Variants in IRAG1 observed in about 807,000 individuals in gnomAD.
IRAG1 encodes the protein IP3R-associated cGMP kinase substrate.
In IRAG1, 62 loss-of-function variants were observed where a neutral mutation model predicts 106.2. The observed-to-expected ratio is 0.58, with a 90% CI of 0.48 to 0.72. IRAG1 has a LOEUF of 0.72. IRAG1 is among the 30% of genes least tolerant of loss of function. IRAG1 has a pLI of 0.00. For synonymous variants in IRAG1, 462 were observed against 443.9 expected (o/e 1.04, Z -0.51); for missense variants, 1,064 against 1,140.7 (o/e 0.93, Z 0.97).
chr11:10,684,602 T>TATAATAATAATA (rs72177457), intron 1 of IRAG1, among the ~76,000 whole-genome samples: 4 of 138,952 alleles, frequency 2.9e-5, no homozygotes, highest in African/African-American at 1.1e-4. Flanking sequence ...AAACTTAAAG[T>TATAATAATAATA]ATAATAATAA....
chr11:10,648,013 C>T (rs183367210), intron 2 of IRAG1, among the ~76,000 whole-genome samples: 67 of 152,248 alleles, frequency 4.4e-4, no homozygotes, highest in Non-Finnish European at 4.1e-4. Context: ...CAGAGCTGGC[C>T]AACCAGTGCA....
chr11:10,609,067 A>C (rs1854722059), intron 11 of IRAG1, among the ~76,000 whole-genome samples: 2 of 152,256 alleles, frequency 1.3e-5, no homozygotes, highest in African/African-American at 4.8e-5. Flanking sequence ...CCGTTTGTTA[A>C]AATTACAATT....
chr11:10,637,694 G>A (rs1404975415), intron 2 of IRAG1, among the ~76,000 whole-genome samples: 2 of 152,016 alleles, frequency 1.3e-5, no homozygotes, highest in African/African-American at 4.8e-5. Flanking sequence ...TTTGTTCAGT[G>A]GGCTCCCCTG....
rs1251963957 is a variant in IRAG1, at chr11:10,659,886, C to T, written c.68-7704G>A. ...TGTTTGTTCCAGGCTGCTCAGCAGCCTCTTCCCTGAGTCACTCACTCAAGA... is the reference window on the plus strand; with the variant it reads ...TGTTTGTTCCAGGCTGCTCAGCAGCTTCTTCCCTGAGTCACTCACTCAAGA... On this transcript the variant is annotated intron_variant, in intron 1 of 20. Coordinates refer to ENST00000423302, the MANE Select transcript of IRAG1 (RefSeq NM_130385.4). This position sits in a 1 kb window ranked among gnomAD's most constrained non-coding sequence, Gnocchi z 4.1. Among the ~76,000 whole-genome samples, 3 of 152,066 alleles carry T rather than the reference C, an allele frequency of 2.0e-5. No individual in the cohort carries two copies.
At chr11:10,640,901 G>A (rs1028714863) in intron 2 of IRAG1, among the ~76,000 whole-genome samples, 5 of 152,172 alleles carry the variant, frequency 3.3e-5, no homozygotes, top group Non-Finnish European at 7.3e-5. Flanking sequence ...TATCTCACAG[G>A]GTAGTTATAA....
rs1405908881 is a variant in IRAG1 at position 10,580,518 on chromosome 11, T to C, written c.2432A>G (p.Glu811Gly). 6.2e-7 allele frequency: 1 copy of C among 1,613,946 alleles called. No homozygotes were observed. The highest frequency in any genetic ancestry group is 1.3e-5 in the African/African-American group (1 of 75,006). Residue 811 changes from glutamate to glycine, a missense_variant, in exon 20 of 21, where the codon GAG becomes GGG. Transcript: ENST00000423302. ...LKEEEEEQKS[E>G]SPEEPEEVEE... ...TACCTCTTCAGGTTCCTCAGGACTCTCACTCTTCTGTTCTTCCTCCTCCTC... is the reference window on the plus strand; with the variant it reads ...TACCTCTTCAGGTTCCTCAGGACTCCCACTCTTCTGTTCTTCCTCCTCCTC...
At chr11:10,690,276 G>C in intron 1 of IRAG1, 2 of 621,856 alleles carry the variant, frequency 3.2e-6, no homozygotes, top group Non-Finnish European at 4.9e-6. Flanking sequence ...TGTAATCCCA[G>C]CTACTTGGGA....
chr11:10,577,424 C>T (rs1016781145), intron 20 of IRAG1, among the ~76,000 whole-genome samples: 2 of 151,976 alleles, frequency 1.3e-5, no homozygotes, highest in African/African-American at 4.8e-5. Flanking sequence ...AAAAAGACAC[C>T]GGGCAGATGG....
rs749109709 is a variant in IRAG1 at position 10,593,575 on chromosome 11, C to T, written c.2092G>A (p.Val698Ile). Residue 698 changes from valine to isoleucine, a missense_variant, in exon 17 of 21, where the codon GTT becomes ATT. Val to Ile is a conservative substitution (Grantham distance 29, BLOSUM62 3). Coordinates refer to ENST00000423302, the MANE Select transcript of IRAG1 (RefSeq NM_130385.4). ...GCATTAAACTTAGGAACCACAGCAA[C>T]GCTGACCCTCCGGCGAGGCATATTC... Reference protein sequence around the residue: ...GKNMPRRRVSVAVVPKFNALN... With the variant: ...GKNMPRRRVSIAVVPKFNALN... 29 of 1,613,638 alleles carry T rather than the reference C, an allele frequency of 1.8e-5. No individual in the cohort carries two copies. Among genetic ancestry groups the T allele is most frequent in the East Asian group, 6.7e-5 (3 of 44,898 alleles).
intron 2 of IRAG1, among the ~76,000 whole-genome samples, chr11:10,635,191 G>A (rs541657702): frequency 3.9e-5 from 6 of 152,324 alleles, no homozygotes; most frequent in South Asian, 2.1e-4. Context: ...TTCAGTGATC[G>A]TAATTTGTTA....
intron 2 of IRAG1, among the ~76,000 whole-genome samples, chr11:10,649,176 A>G (rs999953647): frequency 5.9e-5 from 9 of 152,212 alleles, no homozygotes; most frequent in African/African-American, 1.9e-4. Flanking sequence ...TGACTACCTG[A>G]GAAACCCAAT....
At chr11:10,587,700 C>G (rs867197877) in intron 18 of IRAG1, among the ~76,000 whole-genome samples, 5 of 152,136 alleles carry the variant, frequency 3.3e-5, no homozygotes, top group Non-Finnish European at 7.4e-5. Context: ...TTTTGCTGAT[C>G]GCTCTGTGAA....
chr11:10,663,765 G>C (rs1199515304), intron 1 of IRAG1, among the ~76,000 whole-genome samples: 1 of 152,160 alleles, frequency 6.6e-6, no homozygotes, highest in Non-Finnish European at 1.5e-5. Flanking sequence ...AGGACTCTAG[G>C]AATCAAGCCT....
At chr11:10,636,847 G>C (rs891614163) in intron 2 of IRAG1, among the ~76,000 whole-genome samples, 1 of 152,196 alleles carries the variant, frequency 6.6e-6, no homozygotes, top group South Asian at 2.1e-4. Flanking sequence ...GACAGGATTT[G>C]GCCAAAGGGA....
intron 15 of IRAG1, among the ~76,000 whole-genome samples, chr11:10,597,902 C>T (rs1853511793): frequency 6.6e-6 from 1 of 152,176 alleles, no homozygotes; most frequent in Non-Finnish European, 1.5e-5. Context: ...TCTAACATAT[C>T]TTAGAAGCAC....
chr11:10,686,596 C>T (rs556931044), intron 1 of IRAG1, among the ~76,000 whole-genome samples: 22 of 152,282 alleles, frequency 1.4e-4, no homozygotes, highest in East Asian at 5.8e-4. Context: ...TGAGCAGCAG[C>T]ACTGGGACCT....
chr11:10,666,212 T>G (rs778901983), intron 1 of IRAG1, among the ~76,000 whole-genome samples: 1 of 152,256 alleles, frequency 6.6e-6, no homozygotes, highest in Non-Finnish European at 1.5e-5. Context: ...ACATTTATTG[T>G]ACCAGGTGCT....
intron 1 of IRAG1, among the ~76,000 whole-genome samples, chr11:10,684,628 T>C (rs1861526311): frequency 6.8e-6 from 1 of 147,796 alleles, no homozygotes; most frequent in Non-Finnish European, 1.5e-5. Context: ...ATAATAATAA[T>C]AATAATAATA....
chr11:10,637,460 G>C (rs578114190), intron 2 of IRAG1, among the ~76,000 whole-genome samples: 1 of 152,196 alleles, frequency 6.6e-6, no homozygotes, highest in African/African-American at 2.4e-5. Context: ...TGCCTTGATG[G>C]GCTGGTGATA....
Sources: gnomAD v4.1 joint callset for allele counts (sites outside exome capture counted in the v4.1 genomes callset) on GRCh38, gnomAD v4.1.1 for gene constraint, Gnocchi (gnomAD v3.1) non-coding constraint, MANE v1.5 for transcripts, NCBI Gene and HGNC (gene_info 2026-07-23, HGNC 2026-07-21) for gene names.